Variants in R3HDM2 observed in about 807,000 individuals in gnomAD.
The protein encoded by R3HDM2 is R3H domain-containing protein 2.
Under a neutral mutation model 124.5 loss-of-function variants are expected in R3HDM2, and 38 were observed. The observed-to-expected ratio is 0.31, with a 90% CI of 0.24 to 0.40. R3HDM2 has a LOEUF of 0.40. Among genes scored for constraint, R3HDM2 ranks in the 10% least tolerant of loss-of-function variants. The probability of loss-of-function intolerance (pLI) is 1.00; values close to 1 mark genes in which losing one functional copy is unlikely to be tolerated. For missense variants in R3HDM2, 869 were observed against 1,236.9 expected (o/e 0.70, Z 4.46); for synonymous variants, 391 against 448.0 (o/e 0.87, Z 1.61).
chr12:57,373,511 GTAA>G (rs935202887), intron 2 of R3HDM2, among the ~76,000 whole-genome samples: 3 of 150,010 alleles, frequency 2.0e-5, no homozygotes, highest in South Asian at 2.1e-4. Context: ...AAAAAAAAAT[GTAA>G]TAATAATAAT....
At chr12:57,269,113 G>A (rs1394965877) in intron 16 of R3HDM2, 31 bp from the exon 17 acceptor site, 2 of 1,611,488 alleles carry the variant, frequency 1.2e-6, no homozygotes, top group Non-Finnish European at 1.7e-6. Context: ...AAATACATTA[G>A]TATGAATGTT....
At chr12:57,373,446 C>T (rs564588498) in intron 2 of R3HDM2, among the ~76,000 whole-genome samples, 1 of 152,032 alleles carries the variant, frequency 6.6e-6, no homozygotes, top group African/African-American at 2.4e-5. Flanking sequence ...TTGCAGTGAG[C>T]CAAGATCGCG....
At chr12:57,350,630 T>C (rs544941103) in intron 2 of R3HDM2, among the ~76,000 whole-genome samples, 1 of 152,064 alleles carries the variant, frequency 6.6e-6, no homozygotes, top group East Asian at 1.9e-4. Flanking sequence ...AAGACCTCAC[T>C]CAAAAAATAA....
chr12:57,327,251 G>A (rs759923731), intron 2 of R3HDM2, among the ~76,000 whole-genome samples: 18 of 152,196 alleles, frequency 1.2e-4, no homozygotes, highest in Middle Eastern at 3.4e-3. Context: ...CAGATCACCT[G>A]AGGTTAGGAG....
At chr12:57,379,236 G>A (rs1245895578) in intron 2 of R3HDM2, among the ~76,000 whole-genome samples, 1 of 152,156 alleles carries the variant, frequency 6.6e-6, no homozygotes, top group African/African-American at 2.4e-5. Context: ...TAAATTTTAT[G>A]TTATGGTTAA....
chr12:57,318,159 G>A (rs1450161217), intron 2 of R3HDM2, among the ~76,000 whole-genome samples: 1 of 151,884 alleles, frequency 6.6e-6, no homozygotes, highest in African/African-American at 2.4e-5. Flanking sequence ...GCATGGTGGG[G>A]TGTCTGCCTG....
At chr12:57,410,318 T>TAAAAA (rs56412130) in intron 1 of R3HDM2, among the ~76,000 whole-genome samples, 2 of 100,140 alleles carry the variant, frequency 2.0e-5, no homozygotes, top group Non-Finnish European at 2.0e-5. Flanking sequence ...AGTATAACCT[T>TAAAAA]AAAAAAAAAA....
intron 1 of R3HDM2, among the ~76,000 whole-genome samples, chr12:57,416,288 A>T (rs745484052): frequency 2.0e-5 from 3 of 152,154 alleles, no homozygotes; most frequent in Non-Finnish European, 2.9e-5. Context: ...GAAAAAGAGG[A>T]AGGGAGAGAA....
intron 4 of R3HDM2, among the ~76,000 whole-genome samples, chr12:57,301,666 T>C (rs2051200005): frequency 6.6e-6 from 1 of 152,252 alleles, no homozygotes; most frequent in Admixed American, 6.5e-5. Flanking sequence ...TCAGGCCATG[T>C]AAGGCAAGCC....
chr12:57,385,251 T>TA (rs1366812625), intron 2 of R3HDM2, among the ~76,000 whole-genome samples: 2 of 151,424 alleles, frequency 1.3e-5, no homozygotes, highest in Admixed American at 6.6e-5. Context: ...AAGACTTTTT[T>TA]TTTTTTTTTG....
rs1221656001 is a variant in R3HDM2 at position 57,298,135 on chromosome 12, A to G, written c.455T>C (p.Ile152Thr). Residue 152 changes from isoleucine (I) to threonine (T), a missense_variant, in exon 7 of 24, where the codon ATA becomes ACA. Around this residue, in one of 2 missense-constraint regions of R3HDM2, gnomAD observed 267 missense variants for 447.7 expected, o/e 0.60. Coordinates refer to ENST00000402412, the MANE Select transcript of R3HDM2 (RefSeq NM_001394031.1). ...ATTTACAAGAAATTCATGTAGGTCTATTCCAGTGGAGTCCGTATATTCCTG... is the reference window on the plus strand; with the variant it reads ...ATTTACAAGAAATTCATGTAGGTCTGTTCCAGTGGAGTCCGTATATTCCTG... ...SSQEYTDSTGIDLHEFLVNTL... is the reference protein window; with the variant it reads ...SSQEYTDSTGTDLHEFLVNTL... 2 of 1,551,272 alleles carry G rather than the reference A, an allele frequency of 1.3e-6. No homozygotes were observed. The highest frequency in any genetic ancestry group is 8.7e-7 in the Non-Finnish European group (1 of 1,146,766).
intron 1 of R3HDM2, among the ~76,000 whole-genome samples, chr12:57,426,989 G>T (rs2070801850): frequency 6.6e-6 from 1 of 152,116 alleles, no homozygotes; most frequent in Non-Finnish European, 1.5e-5. Context: ...TGAGGATACG[G>T]AAATTAATAA....
chr12:57,284,192 A>G, intron 12 of R3HDM2, 136 bp from the exon 13 acceptor site: 2 of 836,432 alleles, frequency 2.4e-6, no homozygotes, highest in Non-Finnish European at 3.7e-6. Flanking sequence ...ACTTATTGTT[A>G]GTTGGCTGGC....
At chr12:57,414,339 A>G (rs991072504) in intron 1 of R3HDM2, among the ~76,000 whole-genome samples, 1 of 149,226 alleles carries the variant, frequency 6.7e-6, no homozygotes, top group African/African-American at 2.5e-5. Context: ...TACAATAATT[A>G]GTCTAGCTGG....
intron 1 of R3HDM2, among the ~76,000 whole-genome samples, chr12:57,416,642 A>T (rs1566516745): frequency 6.6e-6 from 1 of 152,124 alleles, no homozygotes; most frequent in African/African-American, 2.4e-5. Context: ...CCCTGTCTCT[A>T]CTAAAAATAC....
chr12:57,351,457 A>C (rs985995044), intron 2 of R3HDM2, among the ~76,000 whole-genome samples: 1 of 152,238 alleles, frequency 6.6e-6, no homozygotes, highest in African/African-American at 2.4e-5. Flanking sequence ...AGGCCTGTGG[A>C]TGGTGAGTAC....
chr12:57,381,467 T>A (rs1347652075), intron 2 of R3HDM2, among the ~76,000 whole-genome samples: 1 of 139,810 alleles, frequency 7.2e-6, no homozygotes, highest in Admixed American at 7.9e-5. Context: ...ATCTCTTGAA[T>A]CCAGGAGGCG....
At chr12:57,306,044 G>A (rs1030708100) in intron 3 of R3HDM2, among the ~76,000 whole-genome samples, 1 of 152,182 alleles carries the variant, frequency 6.6e-6, no homozygotes, top group Non-Finnish European at 1.5e-5. Context: ...TGTTGGTAGG[G>A]GTAGGAGTTG....
chr12:57,261,348 C>G (rs781185087), intron 19 of R3HDM2, among the ~76,000 whole-genome samples: 1 of 152,082 alleles, frequency 6.6e-6, no homozygotes, highest in Non-Finnish European at 1.5e-5. Context: ...TATTGTTTTT[C>G]TAGAAAGCAG....
Sources: allele counts gnomAD v4.1 joint callset (sites outside exome capture counted in the v4.1 genomes callset), GRCh38; gene constraint gnomAD v4.1.1; regional missense constraint gnomAD v4.1.1; transcripts MANE v1.5; gene names NCBI Gene and HGNC (gene_info 2026-07-23, HGNC 2026-07-21).